Variants in NCAPG observed in about 807,000 individuals in gnomAD.
NCAPG encodes non-SMC condensin I complex subunit G, also known as condensin complex subunit 3.
In NCAPG, 69 loss-of-function variants were observed where a neutral mutation model predicts 113.1. The observed-to-expected ratio is 0.61, with a 90% CI of 0.50 to 0.75. NCAPG has a LOEUF of 0.75. NCAPG is among the 30% of genes least tolerant of loss of function. NCAPG has a pLI of 0.00. For missense variants in NCAPG, 1,058 were observed against 1,177.0 expected, an observed-to-expected ratio of 0.90 and a Z score of 1.48; for synonymous variants, 370 against 415.8, an observed-to-expected ratio of 0.89 and a Z score of 1.34.
intron 11 of NCAPG, among the ~76,000 whole-genome samples, chr4:17,828,059 C>G (rs534414873): frequency 2.0e-5 from 3 of 152,162 alleles, no homozygotes; most frequent in South Asian, 2.1e-4. Context: ...CCTTGGCCCC[C>G]CAAAGTGCTA....
intron 9 of NCAPG, 135 bp downstream of exon 9, chr4:17,823,905 T>A: frequency 3.0e-6 from 2 of 657,924 alleles, no homozygotes; most frequent in Non-Finnish European, 5.0e-6. Context: ...TAAAATTTCT[T>A]AAAACCATTA....
chr4:17,844,530 A>C lies in NCAPG; in HGVS notation c.*1105A>C, dbSNP rs1346061747. 1 of 152,462 alleles carries C rather than the reference A, an allele frequency of 6.6e-6. No individual in the cohort carries two copies. Among genetic ancestry groups the C allele is most frequent in the Non-Finnish European group, 1.5e-5 (1 of 67,874 alleles). 9.4% of individuals were successfully genotyped at this position (152,462 alleles called of 1,614,324 possible). On this transcript the variant is annotated 3_prime_UTR_variant, in exon 21 of 21. Transcript: ENST00000251496. ...ACTTATAAAAGGAGTCAAAGTTTCAAAGCAAGATAGTTATTAAGCAAAAGG... is the reference window on the plus strand; with the variant it reads ...ACTTATAAAAGGAGTCAAAGTTTCACAGCAAGATAGTTATTAAGCAAAAGG...
Position 17,840,182 on chromosome 4 carries a change from A to C in NCAPG, c.2740A>C (p.Thr914Pro). 1 of 1,603,212 alleles carries C rather than the reference A, an allele frequency of 6.2e-7. No homozygotes were observed. The highest frequency in any genetic ancestry group is 2.2e-5 in the East Asian group (1 of 44,578). ...QAEAAQDATL[T>P]TTTFQNEDEK... ...TGAAGCAGCACAGGATGCCACCTTG[A>C]CTACAACTACTTTCCAAAATGAAGA... The change falls in exon 18 of 21, where the codon ACT becomes CCT. Residue 914 changes from threonine to proline, a missense_variant. By Grantham distance (38) the Thr-to-Pro change is conservative. Transcript: ENST00000251496.
At chr4:17,823,906 A>G (rs1721556678) in intron 9 of NCAPG, 136 bp downstream of exon 9, 1 of 659,670 alleles carries the variant, frequency 1.5e-6, no homozygotes, top group African/African-American at 1.9e-5. Context: ...AAAATTTCTT[A>G]AAACCATTAT....
At chr4:17,842,691 G>C (rs1722531902) in intron 20 of NCAPG, 1 of 268,704 alleles carries the variant, frequency 3.7e-6, no homozygotes, top group Non-Finnish European at 7.2e-6. Flanking sequence ...GATAATATTT[G>C]GGTTCTCTAC....
intron 14 of NCAPG, among the ~76,000 whole-genome samples, chr4:17,836,066 T>G (rs1009518277): frequency 5.3e-5 from 8 of 152,238 alleles, no homozygotes; most frequent in African/African-American, 1.9e-4. Context: ...TGAACCATTT[T>G]AAATTTCCAT....
chr4:17,829,380 T>C (rs1721780356), intron 12 of NCAPG, among the ~76,000 whole-genome samples: 1 of 152,232 alleles, frequency 6.6e-6, no homozygotes, highest in Non-Finnish European at 1.5e-5. Context: ...TTTAATAGTT[T>C]AGAGCTTCTG....
chr4:17,839,654 G>T (rs1211506220), intron 16 of NCAPG, 22 bp from the exon 17 acceptor site: 5 of 1,451,858 alleles, frequency 3.4e-6, no homozygotes, highest in Non-Finnish European at 4.6e-6. Flanking sequence ...AATTTACAGA[G>T]AATTTTCTCT....
chr4:17,834,229 A>T (rs1333751679), intron 13 of NCAPG, 70 bp from the exon 14 acceptor site: 26 of 1,001,916 alleles, frequency 2.6e-5, no homozygotes, highest in Non-Finnish European at 3.1e-5. Context: ...GATACATATT[A>T]ATTTTATGTA....
chr4:17,815,417 A>T, intron 5 of NCAPG, 59 bp downstream of exon 5: 2 of 1,276,464 alleles, frequency 1.6e-6, no homozygotes, highest in Non-Finnish European at 2.2e-6. Flanking sequence ...CAGACTTAAC[A>T]AGGTTTAAGA....
chr4:17,823,851 T>G, intron 9 of NCAPG, 81 bp downstream of exon 9: 1 of 1,222,400 alleles, frequency 8.2e-7, no homozygotes, highest in Admixed American at 2.5e-5. Context: ...TTAGAACTTT[T>G]TGTTTTGTCT....
In NCAPG at chr4:17,843,323, A is replaced by G. The variant is rs1722609972; in HGVS notation, c.2946A>G (p.Pro982=). The G allele has an allele frequency of 6.2e-7, 1 of 1,611,758 alleles. No individual in the cohort carries two copies. Among genetic ancestry groups the G allele is most frequent in the South Asian group, 1.1e-5 (1 of 90,984 alleles). ...TTAGTGATCATGAAGTTCCAGAACC[A>G]GAATCAGAAATGAAGATGAGACTAC... is the stretch of plus-strand genomic sequence containing the variant. ...DSESDHEVPE[P]ESEMKMRLPR... Residue 982 remains proline (P), a synonymous_variant, in exon 21 of 21, where the codon CCA becomes CCG. Coordinates refer to ENST00000251496, the MANE Select transcript of NCAPG (RefSeq NM_022346.5).
rs902251859 is a variant in NCAPG, at chr4:17,840,116, A to G, written c.2674A>G (p.Ile892Val). Reference protein sequence around the residue: ...TCLRALEKIKIQLEKGNKEFG... With the variant: ...TCLRALEKIKVQLEKGNKEFG... ...TCTGAGAGCTTTGGAGAAAATCAAG[A>G]TTCAGTTAGAAAAAGGAAATAAAGA... The change falls in exon 18 of 21, where the codon ATT becomes GTT. Residue 892 changes from isoleucine (I) to valine (V), a missense_variant. Physicochemically the swap from Ile to Val is conservative, Grantham distance 29. Transcript: ENST00000251496. The G allele has an allele frequency of 1.2e-6, 2 of 1,611,930 alleles. No individual in the cohort carries two copies. The highest frequency in any genetic ancestry group is 1.7e-5 in the Admixed American group (1 of 59,638).
At position 17,823,035 on chromosome 4, in the gene NCAPG, T is replaced by A. The variant is rs374236582; in HGVS notation, c.1171T>A (p.Tyr391Asn). ...TGAAGAACACAGAGGTGATTTTTCC[T>A]ATATTGGAAATTTGATGACAAAAGA... ...VNEEHRGDFSYIGNLMTKEFI... is the reference protein window; with the variant it reads ...VNEEHRGDFSNIGNLMTKEFI... The change falls in exon 8 of 21, where the codon TAT becomes AAT. Residue 391 changes from tyrosine (Y) to asparagine (N), a missense_variant. Physicochemically the swap from Tyr to Asn is moderately radical, Grantham distance 143. Coordinates refer to ENST00000251496, the MANE Select transcript of NCAPG (RefSeq NM_022346.5). 2 of 1,609,114 alleles carry A rather than the reference T, an allele frequency of 1.2e-6. No homozygotes were observed. Among genetic ancestry groups the A allele is most frequent in the Non-Finnish European group, 8.5e-7 (1 of 1,177,908 alleles).
intron 9 of NCAPG, 121 bp from the exon 10 acceptor site, chr4:17,824,847 C>A: frequency 1.8e-6 from 1 of 567,668 alleles, no homozygotes; most frequent in Non-Finnish European, 3.0e-6. Context: ...CTATTTCTAC[C>A]AGTATGTTTT....
At chr4:17,812,839 T>A in intron 2 of NCAPG, 78 bp from the exon 3 acceptor site, 2 of 1,202,780 alleles carry the variant, frequency 1.7e-6, no homozygotes, top group Non-Finnish European at 2.4e-6. Flanking sequence ...GCATTCCGAA[T>A]GTATAGAGTT....
chr4:17,840,335 A>C (rs1722304564), intron 18 of NCAPG, 126 bp downstream of exon 18: 23 of 1,007,264 alleles, frequency 2.3e-5, no homozygotes, highest in Middle Eastern at 5.5e-4. Flanking sequence ...TTTTTTTTCT[A>C]ATTAATCCTC....
At chr4:17,814,470 A>G (rs1721115058) in intron 3 of NCAPG, among the ~76,000 whole-genome samples, 1 of 152,240 alleles carries the variant, frequency 6.6e-6, no homozygotes, top group Non-Finnish European at 1.5e-5. Flanking sequence ...TAAAAAAATG[A>G]CATTACTTTC....
chr4:17,831,074 G>A lies in NCAPG; in HGVS notation c.1842G>A (p.Gln614=), dbSNP rs1210210937. 1.2e-6 allele frequency: 2 copies of A among 1,613,698 alleles called. No individual in the cohort carries two copies. The highest frequency in any genetic ancestry group is 1.3e-5 in the African/African-American group (1 of 74,908). ...TATGCTTGGGATGCTGTGGACTACAGAATCAGGATTTTGCAAGGAAACACT... is the reference window on the plus strand; with the variant it reads ...TATGCTTGGGATGCTGTGGACTACAAAATCAGGATTTTGCAAGGAAACACT... The part of the protein sequence containing the change: ...AVLCLGCCGL[Q]NQDFARKHFV... Residue 614 remains glutamine (Q), a synonymous_variant, in exon 13 of 21, where the codon CAG becomes CAA. Transcript: ENST00000251496.
Sources: gnomAD v4.1 joint callset for allele counts (sites outside exome capture counted in the v4.1 genomes callset) on GRCh38, gnomAD v4.1.1 for gene constraint, MANE v1.5 for transcripts, NCBI Gene and HGNC (gene_info 2026-07-23, HGNC 2026-07-21) for gene names.